Variants in FAF2 observed in about 807,000 individuals in gnomAD.
FAF2 encodes the protein Fas associated factor family member 2.
FAF2 carries 9 observed loss-of-function variants against 62.3 expected under a neutral mutation model. The observed-to-expected ratio is 0.14, with a 90% CI of 0.09 to 0.25. FAF2 has a LOEUF of 0.25. Ranked by LOEUF, FAF2 falls within the 10% of genes least tolerant of loss-of-function variation. FAF2 has a pLI of 1.00. For missense variants in FAF2, 368 were observed against 556.2 expected, an observed-to-expected ratio of 0.66 and a Z score of 3.40; for synonymous variants, 202 against 198.0, an observed-to-expected ratio of 1.02 and a Z score of -0.17.
At chr5:176,486,216 T>G in intron 2 of FAF2, 139 bp from the exon 3 acceptor site, 1 of 978,288 alleles carries the variant, frequency 1.0e-6, no homozygotes, top group South Asian at 1.7e-5. Flanking sequence ...AACAGGCCCA[T>G]GAAGGTGCAC....
chr5:176,451,734 T>G lies in FAF2; in HGVS notation c.63+3264T>G, dbSNP rs930956009. Among the ~76,000 whole-genome samples, 6 of 137,836 alleles carry G rather than the reference T, an allele frequency of 4.4e-5. No homozygotes were observed. The Admixed American group carries it at 4.8e-4, about 11-fold the overall frequency. The allele number at this position is 137,836 out of a possible 152,430, so 90.4% of individuals were successfully genotyped here. A position where few individuals can be genotyped will look rare whatever the true frequency, so the allele number is the denominator to read the frequency against. On this transcript the variant is annotated intron_variant, in intron 1 of 10. Transcript: ENST00000261942. ...GGTATGCGATATATATAGATATATA[T>G]ATATGTGTATATATGTATATTGTAT...
intron 1 of FAF2, among the ~76,000 whole-genome samples, chr5:176,459,814 T>A (rs1758344560): frequency 6.6e-6 from 1 of 152,158 alleles, no homozygotes; most frequent in South Asian, 2.1e-4. Flanking sequence ...GTTGTATGAA[T>A]GATCCCATAG....
At chr5:176,500,295 G>C in intron 10 of FAF2, 149 bp downstream of exon 10, 1 of 784,408 alleles carries the variant, frequency 1.3e-6, no homozygotes, top group South Asian at 1.9e-5. Flanking sequence ...TATGCCATCC[G>C]TGGACACCAG....
intron 5 of FAF2, among the ~76,000 whole-genome samples, 162 bp downstream of exon 5, chr5:176,492,494 T>G (rs1478463457): frequency 1.3e-5 from 2 of 152,230 alleles, no homozygotes; most frequent in Non-Finnish European, 2.9e-5. Flanking sequence ...ACCTTTTAGC[T>G]GGCCCCTCTT....
chr5:176,479,051 C>T (rs529735408), intron 1 of FAF2, 137 bp from the exon 2 acceptor site: 12 of 696,968 alleles, frequency 1.7e-5, no homozygotes, highest in East Asian at 1.1e-4. Context: ...AATTCTGAAT[C>T]GGTGAAGTTT....
At chr5:176,470,856 T>C (rs1758556623) in intron 1 of FAF2, among the ~76,000 whole-genome samples, 1 of 152,248 alleles carries the variant, frequency 6.6e-6, no homozygotes, top group East Asian at 1.9e-4. Flanking sequence ...TTTACCTTCA[T>C]CTGGCAGTCT....
intron 1 of FAF2, among the ~76,000 whole-genome samples, chr5:176,472,719 C>CAAA (rs66911150): frequency 2.8e-5 from 3 of 108,508 alleles, no homozygotes; most frequent in Admixed American, 9.3e-5. Context: ...TTCATCTCTA[C>CAAA]AAAAAAAAAA....
intron 10 of FAF2, among the ~76,000 whole-genome samples, chr5:176,504,639 G>A (rs1755647417): frequency 6.6e-6 from 1 of 152,060 alleles, no homozygotes; most frequent in Non-Finnish European, 1.5e-5. Flanking sequence ...AATACTTGGT[G>A]TAAGTCTAAT....
chr5:176,457,967 TC>T (rs1758305773), intron 1 of FAF2, among the ~76,000 whole-genome samples: 1 of 152,242 alleles, frequency 6.6e-6, no homozygotes, highest in Non-Finnish European at 1.5e-5. Context: ...ACTTCATTTC[TC>T]CTCTGGACTA....
At chr5:176,468,520 C>G (rs111764200) in intron 1 of FAF2, among the ~76,000 whole-genome samples, 13,308 of 152,026 alleles carry the variant, frequency 0.088, 938 homozygotes, top group East Asian at 0.28. Flanking sequence ...GGAGGCGCAG[C>G]TTGCAGTGAG....
chr5:176,500,326 G>A (rs1356959008), intron 10 of FAF2, among the ~76,000 whole-genome samples, 180 bp downstream of exon 10: 1 of 152,170 alleles, frequency 6.6e-6, no homozygotes, highest in East Asian at 1.9e-4. Context: ...GAGGACTGCT[G>A]TAGGCTCCTT....
chr5:176,468,744 A>C (rs184394900), intron 1 of FAF2, among the ~76,000 whole-genome samples: 1 of 151,648 alleles, frequency 6.6e-6, no homozygotes, highest in Admixed American at 6.6e-5. Flanking sequence ...GACCAGGCTG[A>C]GCAACATAGT....
At chr5:176,492,367 C>G in intron 5 of FAF2, 35 bp downstream of exon 5, 1 of 1,585,210 alleles carries the variant, frequency 6.3e-7, no homozygotes, top group Non-Finnish European at 8.6e-7. Flanking sequence ...GCCAACTTAC[C>G]GAAATGATTC....
intron 2 of FAF2, 149 bp downstream of exon 2, chr5:176,479,405 T>A: frequency 1.5e-6 from 1 of 654,056 alleles, no homozygotes; most frequent in Non-Finnish European, 2.6e-6. Context: ...GTAAAGAATG[T>A]GAGAAAGTTT....
chr5:176,500,856 C>T (rs988672516), intron 10 of FAF2, among the ~76,000 whole-genome samples: 2 of 152,106 alleles, frequency 1.3e-5, no homozygotes, highest in African/African-American at 2.4e-5. Flanking sequence ...GGCTGGGCCC[C>T]GTGCTCATGC....
At chr5:176,458,513 C>G (rs1758319469) in intron 1 of FAF2, among the ~76,000 whole-genome samples, 1 of 138,376 alleles carries the variant, frequency 7.2e-6, no homozygotes, top group African/African-American at 2.7e-5. Flanking sequence ...AAGCGATTGT[C>G]CTGCCTCAGC....
At chr5:176,470,457 A>T (rs1758545964) in intron 1 of FAF2, among the ~76,000 whole-genome samples, 1 of 152,256 alleles carries the variant, frequency 6.6e-6, no homozygotes, top group African/African-American at 2.4e-5. Flanking sequence ...CATGCCTGTA[A>T]TGCCAGCTAC....
intron 1 of FAF2, among the ~76,000 whole-genome samples, chr5:176,475,632 G>A (rs1332480320): frequency 1.3e-5 from 2 of 152,118 alleles, no homozygotes; most frequent in East Asian, 3.9e-4. Context: ...GCCAGGCGTG[G>A]TGGCAGCCAC....
rs1440322005 is a variant in FAF2 at position 176,508,855 on chromosome 5, C to T, written c.*1905C>T. On this transcript the variant is annotated 3_prime_UTR_variant, in exon 11 of 11. Transcript: ENST00000261942. ...TTTTTCCACTTAAGTCAGAGCCTTC[C>T]TCCCCATCTGGAATTCACAGCTGTT... The T allele has an allele frequency of 1.3e-5, 2 of 152,234 alleles. No homozygotes were observed. Among genetic ancestry groups the T allele is most frequent in the Non-Finnish European group, 2.9e-5 (2 of 68,050 alleles). 9.4% of individuals were successfully genotyped at this position (152,234 alleles called of 1,614,324 possible). A position where few individuals can be genotyped will look rare whatever the true frequency, so the allele number is the denominator to read the frequency against.
Sources: allele counts gnomAD v4.1 joint callset (sites outside exome capture counted in the v4.1 genomes callset), GRCh38; gene constraint gnomAD v4.1.1; transcripts MANE v1.5; gene names NCBI Gene and HGNC (gene_info 2026-07-23, HGNC 2026-07-21).